ARHGEF10: variants seen among roughly 807,000 people sequenced by gnomAD.
ARHGEF10 encodes Rho guanine nucleotide exchange factor 10.
A neutral mutation model predicts 147.4 loss-of-function variants in ARHGEF10; 140 were observed. The observed-to-expected ratio is 0.95, with a 90% CI of 0.83 to 1.09. ARHGEF10 has a LOEUF of 1.09. Ranked by LOEUF, ARHGEF10 falls within the 50% of genes least tolerant of loss-of-function variation. ARHGEF10 has a pLI of 0.00. For missense variants in ARHGEF10, 2,222 were observed against 1,752.7 expected (o/e 1.27, Z -4.78); for synonymous variants, 902 against 695.8 (o/e 1.30, Z -4.67).
At position 1,865,174 on chromosome 8, in the gene ARHGEF10, G is replaced by A. The variant is rs183155921; in HGVS notation, c.545+738G>A. ...TGATATTATTTTAAACTTTAAAAGTGCAAGAATGCTCCTTGGTGATGTGAT... is the reference window on the plus strand; with the variant it reads ...TGATATTATTTTAAACTTTAAAAGTACAAGAATGCTCCTTGGTGATGTGAT... On this transcript the variant is annotated intron_variant, in intron 5 of 28. Coordinates refer to ENST00000349830, the MANE Select transcript of ARHGEF10 (RefSeq NM_014629.4). Among the ~76,000 whole-genome samples, 575 of 152,336 alleles carry A rather than the reference G, an allele frequency of 3.8e-3. 2 individuals carry two copies. Among genetic ancestry groups the A allele is most frequent in the Non-Finnish European group, 4.9e-3 (334 of 68,024 alleles).
chr8:1,919,616 T>A (rs1302376067), intron 18 of ARHGEF10, among the ~76,000 whole-genome samples: 1 of 148,192 alleles, frequency 6.7e-6, no homozygotes, highest in Non-Finnish European at 1.5e-5. Flanking sequence ...TAAACTGTTC[T>A]GTCAAGTGAC....
chr8:1,841,089 G>A lies in ARHGEF10; in HGVS notation c.-47-2264G>A, dbSNP rs376854793. On this transcript the variant is annotated intron_variant, in intron 1 of 28. Coordinates refer to ENST00000349830, the MANE Select transcript of ARHGEF10 (RefSeq NM_014629.4). ...GGCCTAGGCTGGGCTCTGGGTGCTC[G>A]CATCAGCCACCCGCCCTCAGCTGTA... is the stretch of plus-strand genomic sequence containing the variant. 2.6e-5 allele frequency among the ~76,000 whole-genome samples: 4 copies of A among 152,336 alleles called. No homozygotes were observed. In the East Asian group the frequency reaches 5.8e-4, roughly 22 times the overall value.
At chr8:1,868,530 C>T (rs569475456) in intron 6 of ARHGEF10, among the ~76,000 whole-genome samples, 4 of 152,206 alleles carry the variant, frequency 2.6e-5, no homozygotes, top group African/African-American at 9.7e-5. Flanking sequence ...TCATACAGCA[C>T]GGTTTTGCTT....
intron 13 of ARHGEF10, among the ~76,000 whole-genome samples, chr8:1,895,817 C>T (rs7819420): frequency 6.6e-6 from 1 of 152,174 alleles, no homozygotes; most frequent in Non-Finnish European, 1.5e-5. Flanking sequence ...GTTTCTGCCT[C>T]TTAACAGAAA....
intron 5 of ARHGEF10, 128 bp from the exon 6 acceptor site, chr8:1,866,398 T>C: frequency 2.5e-6 from 2 of 810,936 alleles, no homozygotes; most frequent in Non-Finnish European, 4.2e-6. Flanking sequence ...ATTTCCTGTA[T>C]AGTAACATAT....
At chr8:1,841,519 C>A (rs376181523) in intron 1 of ARHGEF10, among the ~76,000 whole-genome samples, 1 of 152,146 alleles carries the variant, frequency 6.6e-6, no homozygotes, top group African/African-American at 2.4e-5. Context: ...TCCAGAGCAG[C>A]ATCACCAGGC....
At chr8:1,875,768 T>C (rs903230480) in intron 7 of ARHGEF10, among the ~76,000 whole-genome samples, 1 of 152,242 alleles carries the variant, frequency 6.6e-6, no homozygotes, top group Admixed American at 6.5e-5. Flanking sequence ...AAGCAAGTGT[T>C]GGCTTTGAAT....
At chr8:1,889,464 C>A (rs1033449232) in intron 11 of ARHGEF10, among the ~76,000 whole-genome samples, 21 of 17,950 alleles carry the variant, frequency 1.2e-3, no homozygotes, top group African/African-American at 6.3e-3. Flanking sequence ...GGTGAGGGGT[C>A]TGTGAGGAGA....
chr8:1,865,583 C>T (rs13268087), intron 5 of ARHGEF10, among the ~76,000 whole-genome samples: 73,246 of 151,584 alleles, frequency 0.48, 17,679 homozygotes, highest in African/African-American at 0.5. Flanking sequence ...ATGGGGCATC[C>T]CGCAGCACCC....
At chr8:1,848,088 G>C (rs958732034) in intron 2 of ARHGEF10, among the ~76,000 whole-genome samples, 2 of 152,228 alleles carry the variant, frequency 1.3e-5, no homozygotes, top group Non-Finnish European at 2.9e-5. Flanking sequence ...AGAGCCACCA[G>C]GTCTTGGTAG....
At chr8:1,836,634 C>T (rs1271509240) in intron 1 of ARHGEF10, among the ~76,000 whole-genome samples, 7 of 152,106 alleles carry the variant, frequency 4.6e-5, no homozygotes, top group Non-Finnish European at 8.8e-5. Flanking sequence ...GGGGGAGAAG[C>T]GCATGCTGCC....
intron 6 of ARHGEF10, among the ~76,000 whole-genome samples, chr8:1,867,679 G>T (rs1479909926): frequency 6.6e-6 from 1 of 152,194 alleles, no homozygotes; most frequent in Non-Finnish European, 1.5e-5. Flanking sequence ...AAGGCTGAAA[G>T]ATTTTTAGCT....
At chr8:1,909,498 G>C (rs747293969) in intron 18 of ARHGEF10, 28 bp downstream of exon 18, 9 of 1,612,712 alleles carry the variant, frequency 5.6e-6, no homozygotes, top group Middle Eastern at 1.8e-4. Context: ...TCACGTTCGT[G>C]CCGTGGGGCC....
chr8:1,942,474 C>T (rs540634776), intron 26 of ARHGEF10, among the ~76,000 whole-genome samples: 6 of 151,794 alleles, frequency 4.0e-5, no homozygotes, highest in South Asian at 2.1e-4. Context: ...CTGCAGAGTA[C>T]GTGAGGATGC....
intron 2 of ARHGEF10, among the ~76,000 whole-genome samples, chr8:1,856,217 A>T (rs1052514576): frequency 6.6e-5 from 10 of 152,258 alleles, no homozygotes; most frequent in African/African-American, 2.4e-4. Flanking sequence ...TTTTAAAAAT[A>T]ACACATTTCT....
chr8:1,909,516 C>T lies in ARHGEF10; in HGVS notation c.2143+46C>T, dbSNP rs1405416529. ...CGTTCGTGCCGTGGGGCCAGGGTAACTCTCACGTTCATGCTAGCTGTGGGG... is the reference window on the plus strand; with the variant it reads ...CGTTCGTGCCGTGGGGCCAGGGTAATTCTCACGTTCATGCTAGCTGTGGGG... On this transcript the variant is annotated intron_variant, in intron 18 of 28. Transcript: ENST00000349830. The T allele has an allele frequency of 2.5e-6, 4 of 1,609,906 alleles. No homozygotes were observed. The African/African-American group carries it at 4.0e-5, about 16-fold the overall frequency.
rs754903689 is a variant in ARHGEF10 at position 1,956,181 on chromosome 8, T to C, written c.3521-568T>C. On this transcript the variant is annotated intron_variant, in intron 28 of 28. Transcript: ENST00000349830. ...GGCTGTGTGTGGCTTTAAGAAGACC[T>C]GCAGGTGTTTCTGATACGATCGTGA... is the stretch of plus-strand genomic sequence containing the variant. Among the ~76,000 whole-genome samples, 9 of 152,342 alleles carry C rather than the reference T, an allele frequency of 5.9e-5. No homozygotes were observed. The South Asian group carries it at 1.4e-3, about 25-fold the overall frequency.
chr8:1,888,539 C>T (rs532977457), intron 11 of ARHGEF10, among the ~76,000 whole-genome samples: 5 of 127,348 alleles, frequency 3.9e-5, no homozygotes, highest in Middle Eastern at 5.7e-3. Context: ...TGTGAGGAGA[C>T]GCTGAGTGGG....
chr8:1,833,355 GAGAGAC>G lies in ARHGEF10; in HGVS notation c.-48+9247_-48+9252del, dbSNP rs1463753800. The stretch of plus-strand genomic sequence containing the variant: ...AGACAGAGGCAGAGACAGAGGCAGA[GAGAGAC>G]AGAGGCAGAGACAGAGGCAGGTGCA... On this transcript the variant is annotated intron_variant, in intron 1 of 28. Transcript: ENST00000349830. Among the ~76,000 whole-genome samples the G allele has an allele frequency of 1.4e-3, 66 of 48,108 alleles. 1 individual carries two copies. Among genetic ancestry groups the G allele is most frequent in the Non-Finnish European group, 2.7e-4 (6 of 22,366 alleles). 31.6% of individuals were successfully genotyped at this position (48,108 alleles called of 152,430 possible).
Sources: allele counts gnomAD v4.1 joint callset (sites outside exome capture counted in the v4.1 genomes callset), GRCh38; gene constraint gnomAD v4.1.1; transcripts MANE v1.5; gene names NCBI Gene and HGNC (gene_info 2026-07-23, HGNC 2026-07-21).